Variants in PNKD observed in about 807,000 individuals in gnomAD.
PNKD encodes the protein PNKD metallo-beta-lactamase domain containing, also known as probable thioesterase PNKD.
A neutral mutation model predicts 45.3 loss-of-function variants in PNKD; 36 were observed. The ratio of observed to expected loss-of-function variants is 0.80; its 90% CI spans 0.61 to 1.05. The LOEUF (loss-of-function observed/expected upper bound fraction) is 1.05, where lower values mean the gene tolerates loss of function less well. PNKD is among the 50% of genes least tolerant of loss of function. The pLI, the probability that PNKD is intolerant of heterozygous loss-of-function variation, is 0.00. For synonymous variants in PNKD, 197 were observed against 210.1 expected, an observed-to-expected ratio of 0.94 and a Z score of 0.54; for missense variants, 511 against 506.6, an observed-to-expected ratio of 1.01 and a Z score of -0.08.
At chr2:218,274,290 T>G (rs943279495) in intron 2 of PNKD, 2 of 154,988 alleles carry the variant, frequency 1.3e-5, no homozygotes, top group African/African-American at 4.8e-5. Context: ...TAATCCTAAC[T>G]ATATCCTTGG....
chr2:218,280,805 C>CTTTTTTTTTTTTT (rs950294415), intron 2 of PNKD: 1 of 104,048 alleles, frequency 9.6e-6, no homozygotes, highest in African/African-American at 4.5e-5. Flanking sequence ...ACCTCATTTC[C>CTTTTTTTTTTTTT]TTTTTTTTTT....
At chr2:218,335,668 G>A (rs1249191076) in intron 2 of PNKD, among the ~76,000 whole-genome samples, 3 of 152,054 alleles carry the variant, frequency 2.0e-5, no homozygotes, top group South Asian at 4.2e-4. Flanking sequence ...GAAGGCCTAC[G>A]AAAAAGGAAC....
Position 218,270,524 on chromosome 2 carries a change from T to G in PNKD, c.-12T>G, listed in dbSNP as rs1574614756. On this transcript the variant is annotated 5_prime_UTR_variant, in exon 1 of 10. Coordinates refer to ENST00000273077, the MANE Select transcript of PNKD (RefSeq NM_015488.5). ...GGCGGGGAGCGCGGTGAAGCGGGGG[T>G]GGGATCTGAACATGGCGGCGGTGGT... The G allele has an allele frequency of 2.5e-6, 3 of 1,214,296 alleles. No individual in the cohort carries two copies. Among genetic ancestry groups the G allele is most frequent in the Non-Finnish European group, 3.2e-6 (3 of 928,060 alleles). The allele number at this position is 1,214,296 out of a possible 1,614,324, so 75.2% of individuals were successfully genotyped here.
chr2:218,333,800 T>C (rs1170788772), intron 2 of PNKD, among the ~76,000 whole-genome samples: 1 of 151,842 alleles, frequency 6.6e-6, no homozygotes, highest in Non-Finnish European at 1.5e-5. Flanking sequence ...AAGGGTGATT[T>C]TATTTAATTT....
chr2:218,296,458 G>T (rs953309849), intron 2 of PNKD, among the ~76,000 whole-genome samples: 3 of 152,182 alleles, frequency 2.0e-5, no homozygotes, highest in African/African-American at 7.2e-5. Flanking sequence ...GGCCCAGGTG[G>T]AACCTGAAGG....
At chr2:218,322,828 A>G (rs1429908021) in intron 2 of PNKD, among the ~76,000 whole-genome samples, 5 of 152,200 alleles carry the variant, frequency 3.3e-5, no homozygotes, top group African/African-American at 1.2e-4. Flanking sequence ...ACATAGGAGG[A>G]GCTAGAAAAG....
At chr2:218,303,478 T>C (rs1413396440) in intron 2 of PNKD, among the ~76,000 whole-genome samples, 1 of 151,814 alleles carries the variant, frequency 6.6e-6, no homozygotes, top group African/African-American at 2.4e-5. Context: ...CAGGAAGGCC[T>C]TGAGGAGCCA....
In PNKD at chr2:218,279,537, A is replaced by G. The variant is rs1170092913; in HGVS notation, c.236+7988A>G. The G allele has an allele frequency of 2.0e-5, 11 of 537,712 alleles. No individual in the cohort carries two copies. In the East Asian group the frequency reaches 3.1e-4, roughly 15 times the overall value. 33.3% of individuals were successfully genotyped at this position (537,712 alleles called of 1,614,324 possible). A position where few individuals can be genotyped will look rare whatever the true frequency, so the allele number is the denominator to read the frequency against. On this transcript the variant is annotated intron_variant, in intron 2 of 9. Transcript: ENST00000273077. ...GCACTTCTTCCTCAGCCCCGCTCCC[A>G]TGCTCCCTGCCATCTCCCCTCCTGT...
At chr2:218,281,660 G>C (rs149071451) in intron 2 of PNKD, among the ~76,000 whole-genome samples, 1 of 152,174 alleles carries the variant, frequency 6.6e-6, no homozygotes, top group Admixed American at 6.5e-5. Flanking sequence ...CCCCTCAGGA[G>C]TCATTACTTG....
intron 2 of PNKD, chr2:218,272,743 G>T: frequency 6.2e-7 from 1 of 1,614,172 alleles, no homozygotes; most frequent in Non-Finnish European, 8.5e-7. Context: ...CCTGATGTTG[G>T]GTCTGGGGTG....
intron 2 of PNKD, among the ~76,000 whole-genome samples, chr2:218,300,702 C>T (rs1412516991): frequency 2.6e-5 from 4 of 152,060 alleles, no homozygotes; most frequent in Non-Finnish European, 4.4e-5. Flanking sequence ...TGCCCCACCA[C>T]GCCCAGCCAA....
chr2:218,326,733 C>T lies in PNKD; in HGVS notation c.237-13050C>T, dbSNP rs1014540327. On this transcript the variant is annotated intron_variant, in intron 2 of 9. Transcript: ENST00000273077. This position sits in a 1 kb window ranked among gnomAD's most constrained non-coding sequence, Gnocchi z 4.1. ...CCCCTGTCTTCCAAGCCTGTCCTAC[C>T]CACCACCCAGCAGGAAACTCCACAT... Among the ~76,000 whole-genome samples, 3 of 152,086 alleles carry T rather than the reference C, an allele frequency of 2.0e-5. No homozygotes were observed. The highest frequency in any genetic ancestry group is 4.4e-5 in the Non-Finnish European group (3 of 68,002).
intron 2 of PNKD, among the ~76,000 whole-genome samples, chr2:218,297,737 C>T (rs929130693): frequency 6.9e-6 from 1 of 144,764 alleles, no homozygotes; most frequent in Non-Finnish European, 1.5e-5. Context: ...CAGTGGCTCA[C>T]GCTTGTAATC....
intron 2 of PNKD, among the ~76,000 whole-genome samples, chr2:218,323,613 G>T (rs1694060028): frequency 6.6e-6 from 1 of 151,378 alleles, no homozygotes; most frequent in Non-Finnish European, 1.5e-5. Flanking sequence ...GAGGGATTTG[G>T]GGGGCTGGAC....
At chr2:218,338,575 T>C (rs1386408771) in intron 2 of PNKD, among the ~76,000 whole-genome samples, 1 of 151,470 alleles carries the variant, frequency 6.6e-6, no homozygotes, top group Non-Finnish European at 1.5e-5. Flanking sequence ...GAGACCAGCC[T>C]AGACAACAAA....
intron 2 of PNKD, chr2:218,278,037 C>T: frequency 6.3e-7 from 1 of 1,590,356 alleles, no homozygotes; most frequent in Non-Finnish European, 8.6e-7. Context: ...GAGGCTCCTA[C>T]AGCAGAAGGA....
chr2:218,315,392 C>T (rs186892436), intron 2 of PNKD, among the ~76,000 whole-genome samples: 4 of 151,252 alleles, frequency 2.6e-5, no homozygotes, highest in African/African-American at 4.8e-5. Flanking sequence ...CCACCCACCT[C>T]GGCCTCCACC....
At chr2:218,339,665 T>C (rs1694609603) in intron 2 of PNKD, 118 bp from the exon 3 acceptor site, 1 of 721,996 alleles carries the variant, frequency 1.4e-6, no homozygotes, top group Admixed American at 2.0e-5. Flanking sequence ...GAGAGTGGAA[T>C]TGCATTGGCT....
intron 2 of PNKD, among the ~76,000 whole-genome samples, chr2:218,283,517 C>A (rs528621570): frequency 6.6e-6 from 1 of 152,108 alleles, no homozygotes; most frequent in Non-Finnish European, 1.5e-5. Context: ...AGTCTGGGCT[C>A]GACAGGGCCA....
Sources: allele counts gnomAD v4.1 joint callset (sites outside exome capture counted in the v4.1 genomes callset), GRCh38; gene constraint gnomAD v4.1.1; non-coding constraint Gnocchi (gnomAD v3.1); transcripts MANE v1.5; gene names NCBI Gene and HGNC (gene_info 2026-07-23, HGNC 2026-07-21).